The following MAGI1 variants were observed in gnomAD, a reference collection of about 807,000 sequenced individuals.
MAGI1 encodes membrane associated guanylate kinase, WW and PDZ domain containing 1.
In MAGI1, 58 loss-of-function variants were observed where a neutral mutation model predicts 139.9. The observed-to-expected ratio is 0.41, with a 90% CI of 0.34 to 0.52. The LOEUF is 0.52. Among genes scored for constraint, MAGI1 ranks in the 20% least tolerant of loss-of-function variants. The pLI is 0.12. For synonymous variants in MAGI1, 812 were observed against 737.9 expected (o/e 1.10, Z -1.63); for missense variants, 1,874 against 1,901.6 (o/e 0.99, Z 0.27).
intron 22 of MAGI1, chr3:65,359,241 A>G (rs1458232503): frequency 1.5e-5 from 23 of 1,560,774 alleles, no homozygotes; most frequent in Non-Finnish European, 1.5e-5. Context: ...ATTCCCTATA[A>G]CACAGAGGAA....
At chr3:65,546,756 T>C (rs2079525993) in intron 2 of MAGI1, among the ~76,000 whole-genome samples, 1 of 152,194 alleles carries the variant, frequency 6.6e-6, no homozygotes, top group Non-Finnish European at 1.5e-5. Context: ...GGTGTGGTGT[T>C]AATTCTCCCA....
rs142740104 is a variant in MAGI1 at position 65,564,557 on chromosome 3, T to C, written c.430+57415A>G. On this transcript the variant is annotated intron_variant, in intron 2 of 22. Transcript: ENST00000402939. ...CAAAGAATTGTCATCCAATTTACAA[T>C]AGTAACAACATGAAGACCAAAAATA... Among the ~76,000 whole-genome samples, 136 of 152,254 alleles carry C rather than the reference T, an allele frequency of 8.9e-4. 2 individuals carry two copies. The highest frequency in any genetic ancestry group is 2.5e-3 in the African/African-American group (105 of 41,540).
chr3:65,499,099 A>G, intron 2 of MAGI1: 1 of 889,312 alleles, frequency 1.1e-6, no homozygotes, highest in Non-Finnish European at 1.3e-6. Context: ...TGCTTTGAAA[A>G]ACTATCTAGT....
chr3:65,675,480 A>T (rs2087129598), intron 1 of MAGI1, among the ~76,000 whole-genome samples: 1 of 152,190 alleles, frequency 6.6e-6, no homozygotes, highest in Non-Finnish European at 1.5e-5. Flanking sequence ...ACACAGAAAA[A>T]ATTATTTATT....
chr3:65,451,777 T>G (rs558505788), intron 6 of MAGI1, among the ~76,000 whole-genome samples: 1 of 152,312 alleles, frequency 6.6e-6, no homozygotes, highest in South Asian at 2.1e-4. Context: ...CCCAAGTAGC[T>G]GGGACCACAG....
At chr3:65,566,082 C>T (rs867716057) in intron 2 of MAGI1, among the ~76,000 whole-genome samples, 4 of 151,344 alleles carry the variant, frequency 2.6e-5, no homozygotes, top group Admixed American at 2.0e-4. Flanking sequence ...GGTGAAACCC[C>T]ATCTCTACTA....
intron 1 of MAGI1, among the ~76,000 whole-genome samples, chr3:65,917,248 A>C (rs188401799): frequency 5.0e-4 from 76 of 152,292 alleles, no homozygotes; most frequent in African/African-American, 1.7e-3. Context: ...CAACAATGAG[A>C]TACCACTACA....
In MAGI1 at chr3:65,938,063, C is replaced by G. The variant is rs556730227; in HGVS notation, c.313+99933G>C. ...ATTCCATATTATGGGTCAATATGAT[C>G]ACTCTTCCTATCAAATCCAAGTGCA... is the stretch of plus-strand genomic sequence containing the variant. On this transcript the variant is annotated intron_variant, in intron 1 of 22. Transcript: ENST00000402939. Among the ~76,000 whole-genome samples, 9 of 152,116 alleles carry G rather than the reference C, an allele frequency of 5.9e-5. No individual in the cohort carries two copies. The East Asian group carries it at 1.7e-3, about 29-fold the overall frequency.
chr3:65,590,605 C>G (rs2081924361), intron 2 of MAGI1, among the ~76,000 whole-genome samples: 1 of 152,182 alleles, frequency 6.6e-6, no homozygotes, highest in Admixed American at 6.5e-5. Context: ...TGCTACTTAG[C>G]TGTCCCCCCC....
intron 1 of MAGI1, among the ~76,000 whole-genome samples, chr3:65,778,694 T>C (rs1355940111): frequency 6.6e-6 from 1 of 152,204 alleles, no homozygotes; most frequent in Non-Finnish European, 1.5e-5. Context: ...CTTTTGACTC[T>C]AGATTTCTGC....
chr3:65,713,696 CATTT>C (rs2031820629), intron 1 of MAGI1, among the ~76,000 whole-genome samples: 1 of 152,132 alleles, frequency 6.6e-6, no homozygotes, highest in Non-Finnish European at 1.5e-5. Flanking sequence ...TTCATTCATT[CATTT>C]ATGTATTCAT....
At chr3:65,622,224 T>G in intron 1 of MAGI1, 136 bp from the exon 2 acceptor site, 1 of 701,332 alleles carries the variant, frequency 1.4e-6, no homozygotes, top group South Asian at 1.7e-5. Flanking sequence ...AGGATGTACT[T>G]TAGGTTTTCC....
At chr3:65,755,967 C>A (rs1441615365) in intron 1 of MAGI1, among the ~76,000 whole-genome samples, 1 of 152,118 alleles carries the variant, frequency 6.6e-6, no homozygotes, top group African/African-American at 2.4e-5. Context: ...ATAGTCTTAA[C>A]CATTTCTTAC....
chr3:65,831,105 T>C (rs1453841409), intron 1 of MAGI1, among the ~76,000 whole-genome samples: 1 of 152,194 alleles, frequency 6.6e-6, no homozygotes, highest in Non-Finnish European at 1.5e-5. Flanking sequence ...TCATGAATGC[T>C]AAGTGAATTG....
chr3:65,556,887 G>C (rs2080108647), intron 2 of MAGI1, among the ~76,000 whole-genome samples: 1 of 152,144 alleles, frequency 6.6e-6, no homozygotes, highest in African/African-American at 2.4e-5. Flanking sequence ...TCATCTCTCA[G>C]TATATGATTC....
At chr3:65,674,623 C>A (rs2087070365) in intron 1 of MAGI1, among the ~76,000 whole-genome samples, 1 of 152,132 alleles carries the variant, frequency 6.6e-6, no homozygotes, top group Admixed American at 6.6e-5. Context: ...CCTTCAGAGT[C>A]ATCACCAAAA....
chr3:66,036,686 G>C (rs1004528218), intron 1 of MAGI1, among the ~76,000 whole-genome samples: 5 of 152,206 alleles, frequency 3.3e-5, no homozygotes, highest in African/African-American at 1.2e-4. Context: ...CTGTTTCCAA[G>C]AGAGGACCAG....
intron 2 of MAGI1, among the ~76,000 whole-genome samples, chr3:65,595,176 G>A (rs1165534239): frequency 1.3e-5 from 2 of 152,114 alleles, no homozygotes; most frequent in Non-Finnish European, 2.9e-5. Context: ...GAAAACAAGG[G>A]GAAAGGAGAG....
intron 1 of MAGI1, among the ~76,000 whole-genome samples, chr3:65,695,079 T>C (rs888590938): frequency 3.9e-5 from 6 of 152,156 alleles, no homozygotes; most frequent in African/African-American, 7.2e-5. Flanking sequence ...GGTCCCCAAA[T>C]TAATAATCTT....
Sources: gnomAD v4.1 joint callset for allele counts (sites outside exome capture counted in the v4.1 genomes callset) on GRCh38, gnomAD v4.1.1 for gene constraint, MANE v1.5 for transcripts, NCBI Gene and HGNC (gene_info 2026-07-23, HGNC 2026-07-21) for gene names.